DPH7: variants seen among roughly 807,000 people sequenced by gnomAD.
DPH7 encodes diphthine methyltransferase.
In DPH7, 44 loss-of-function variants were observed where a neutral mutation model predicts 41.7. The observed-to-expected ratio is 1.05, with a 90% CI of 0.83 to 1.36. The LOEUF (loss-of-function observed/expected upper bound fraction) is 1.36. Among genes scored for constraint, DPH7 ranks in the 40% most tolerant of loss-of-function variants. DPH7 has a pLI of 0.00. For missense variants in DPH7, 629 were observed against 577.5 expected, an observed-to-expected ratio of 1.09 and a Z score of -0.91; for synonymous variants, 275 against 238.0, an observed-to-expected ratio of 1.16 and a Z score of -1.43.
At chr9:137,575,356 G>A in intron 3 of DPH7, 1 of 988,482 alleles carries the variant, frequency 1.0e-6, no homozygotes, top group Non-Finnish European at 1.2e-6. Context: ...CCTGGCCAGT[G>A]CTTAACTCCA....
chr9:137,554,804 G>C lies in DPH7; in HGVS notation c.*435C>G, dbSNP rs572157902. ...CTGCGGGATTTTCCAAAAGTTTTGG[G>C]ATTTTGGATTTTTGGACTGGCTGTG... On this transcript the variant is annotated 3_prime_UTR_variant, in exon 9 of 9. Transcript: ENST00000277540. The C allele has an allele frequency of 1.3e-5, 2 of 154,984 alleles. No homozygotes were observed. The highest frequency in any genetic ancestry group is 4.8e-5 in the African/African-American group (2 of 41,620). 9.6% of individuals were successfully genotyped at this position (154,984 alleles called of 1,614,324 possible). A position where few individuals can be genotyped will look rare whatever the true frequency, so the allele number is the denominator to read the frequency against.
At chr9:137,578,481 A>T (rs1439530874) in intron 1 of DPH7, 144 bp downstream of exon 1, 5 of 1,048,420 alleles carry the variant, frequency 4.8e-6, no homozygotes, top group Non-Finnish European at 2.6e-6. Context: ...CAATTTTTTT[A>T]AAAAGATTCT....
At chr9:137,563,730 AT>A (rs1839041148) in intron 8 of DPH7, among the ~76,000 whole-genome samples, 1 of 152,010 alleles carries the variant, frequency 6.6e-6, no homozygotes, top group South Asian at 2.1e-4. Context: ...GTGATTGCTT[AT>A]TTTTGGAGTG....
intron 3 of DPH7, 92 bp downstream of exon 3, chr9:137,575,987 GT>G: frequency 2.5e-6 from 4 of 1,586,992 alleles, no homozygotes; most frequent in Non-Finnish European, 3.4e-6. Context: ...AAGAGAGATC[GT>G]TTTAGAAAAA....
At chr9:137,563,858 GA>G (rs757921758) in intron 8 of DPH7, among the ~76,000 whole-genome samples, 1 of 152,166 alleles carries the variant, frequency 6.6e-6, no homozygotes, top group Non-Finnish European at 1.5e-5. Flanking sequence ...GACAGTGGGG[GA>G]TTACTGCCTA....
intron 8 of DPH7, among the ~76,000 whole-genome samples, chr9:137,564,181 C>T (rs112813118): frequency 2.0e-5 from 3 of 152,074 alleles, no homozygotes; most frequent in African/African-American, 4.8e-5. Flanking sequence ...AGAGGTCTGC[C>T]GAAATGCAGG....
At chr9:137,569,316 C>T (rs1412026708) in intron 5 of DPH7, among the ~76,000 whole-genome samples, 1 of 118,678 alleles carries the variant, frequency 8.4e-6, no homozygotes, top group Non-Finnish European at 1.8e-5. Context: ...TGCCCCCACC[C>T]ACCCCCCACC....
Position 137,574,392 on chromosome 9 carries a change from G to A in DPH7, c.468-12C>T. ...GCTGGTCCCCGGCCCTAGACACAGG[G>A]AACCCATGAAGAAGCCCGGCAGAAT... On this transcript the variant is annotated splice_polypyrimidine_tract_variant and intron_variant, in intron 4 of 8. Transcript: ENST00000277540. 1 of 1,608,928 alleles carries A rather than the reference G, an allele frequency of 6.2e-7. No individual in the cohort carries two copies. The highest frequency in any genetic ancestry group is 8.5e-7 in the Non-Finnish European group (1 of 1,176,496).
chr9:137,577,901 G>A (rs1841705806), intron 1 of DPH7: 1 of 928,730 alleles, frequency 1.1e-6, no homozygotes, highest in Non-Finnish European at 1.3e-6. Flanking sequence ...TTGTTCCAGT[G>A]CCCAATTTGG....
Position 137,564,475 on chromosome 9 carries a change from A to G in DPH7, c.908T>C (p.Met303Thr), listed in dbSNP as rs1226218847. The change falls in exon 8 of 9, where the codon ATG (methionine) becomes ACG (threonine). Residue 303 changes from methionine to threonine, a missense_variant. Coordinates refer to ENST00000277540, the MANE Select transcript of DPH7 (RefSeq NM_138778.5). ...GTTGAGGATCTTAAAGCCACTGTGC[A>G]TGCAGGCGGCCAGGAGCAGGTGGTG... is the stretch of plus-strand genomic sequence containing the variant. ...FHHHLLLAAC[M>T]HSGFKILNCQ... 1 of 1,614,122 alleles carries G rather than the reference A, an allele frequency of 6.2e-7. No homozygotes were observed. The highest frequency in any genetic ancestry group is 1.7e-4 in the Middle Eastern group (1 of 6,050).
chr9:137,575,023 G>T, intron 3 of DPH7, 180 bp from the exon 4 acceptor site: 1 of 1,404,944 alleles, frequency 7.1e-7, no homozygotes, highest in Non-Finnish European at 9.3e-7. Context: ...GCCCCGAGAA[G>T]ACCTGGGGAC....
At chr9:137,574,722 T>C (rs752271044) in intron 4 of DPH7, 30 bp downstream of exon 4, 1 of 1,606,204 alleles carries the variant, frequency 6.2e-7, no homozygotes, top group Non-Finnish European at 8.5e-7. Flanking sequence ...AGAGAAAGAC[T>C]CAGGACCCCT....
intron 8 of DPH7, among the ~76,000 whole-genome samples, chr9:137,561,720 T>C (rs1439044236): frequency 6.6e-6 from 1 of 152,170 alleles, no homozygotes; most frequent in East Asian, 1.9e-4. Flanking sequence ...ACACTTTATA[T>C]TGATAAAAGG....
At chr9:137,559,552 C>T in intron 8 of DPH7, among the ~76,000 whole-genome samples, 1 of 152,238 alleles carries the variant, frequency 6.6e-6, no homozygotes, top group East Asian at 1.9e-4. Context: ...GGTCACGCTC[C>T]TTGTCCGCCT....
chr9:137,574,520 C>G, intron 4 of DPH7, 140 bp from the exon 5 acceptor site: 1 of 930,672 alleles, frequency 1.1e-6, no homozygotes, highest in South Asian at 1.7e-5. Flanking sequence ...GCTAAGATCA[C>G]AACCACTGCT....
chr9:137,557,796 G>A (rs1270979797), intron 8 of DPH7, among the ~76,000 whole-genome samples: 2 of 151,978 alleles, frequency 1.3e-5, no homozygotes, highest in African/African-American at 4.8e-5. Flanking sequence ...TCCAGCCTGG[G>A]CGACAGAGCA....
intron 8 of DPH7, among the ~76,000 whole-genome samples, chr9:137,561,058 C>T (rs534543262): frequency 1.5e-5 from 2 of 136,834 alleles, no homozygotes; most frequent in East Asian, 4.0e-4. Flanking sequence ...AAGAAAATCA[C>T]CATTTTGCCA....
At position 137,554,933 on chromosome 9, in the gene DPH7, A is replaced by T. The variant is rs1268901975; in HGVS notation, c.*306T>A. 1 of 309,032 alleles carries T rather than the reference A, an allele frequency of 3.2e-6. No homozygotes were observed. Among genetic ancestry groups the T allele is most frequent in the Non-Finnish European group, 5.9e-6 (1 of 169,810 alleles). The allele number at this position is 309,032 out of a possible 1,614,324, so 19.1% of individuals were successfully genotyped here. The stretch of plus-strand genomic sequence containing the variant: ...TCAAAAAACTTCATTTAATACAAAT[A>T]GTTGCTTAAACAAGTATGAAAGGCT... On this transcript the variant is annotated 3_prime_UTR_variant, in exon 9 of 9. Transcript: ENST00000277540.
At chr9:137,578,053 C>G in intron 1 of DPH7, 1 of 961,760 alleles carries the variant, frequency 1.0e-6, no homozygotes, top group Non-Finnish European at 1.2e-6. Flanking sequence ...GGCGGTGGCT[C>G]GTGCCTGTGG....
Sources: gnomAD v4.1 joint callset for allele counts (sites outside exome capture counted in the v4.1 genomes callset) on GRCh38, gnomAD v4.1.1 for gene constraint, MANE v1.5 for transcripts, NCBI Gene and HGNC (gene_info 2026-07-23, HGNC 2026-07-21) for gene names.